The following RYR3 variants were observed in gnomAD, a reference collection of about 807,000 sequenced individuals.
RYR3 encodes the protein brain ryanodine receptor-calcium release channel.
In RYR3, 207 loss-of-function variants were observed where a neutral mutation model predicts 584.3. That is an observed-to-expected ratio of 0.35 (90% CI 0.32 to 0.40). The LOEUF is 0.40. RYR3 is among the 10% of genes least tolerant of loss of function. The probability of loss-of-function intolerance (pLI) is 1.00; values close to 1 mark genes in which losing one functional copy is unlikely to be tolerated. For missense variants in RYR3, 5,616 were observed against 6,089.2 expected (o/e 0.92, Z 2.59); for synonymous variants, 2,416 against 2,248.5 (o/e 1.07, Z -2.11).
At chr15:33,653,126 A>G (rs1206152349) in intron 32 of RYR3, among the ~76,000 whole-genome samples, 1 of 152,204 alleles carries the variant, frequency 6.6e-6, no homozygotes, top group East Asian at 1.9e-4. Context: ...TTTCTAGAGG[A>G]CGAAAAGTCC....
chr15:33,360,556 A>T (rs1190011210), intron 1 of RYR3, among the ~76,000 whole-genome samples: 1 of 152,220 alleles, frequency 6.6e-6, no homozygotes, highest in African/African-American at 2.4e-5. Context: ...TGGTCTTTGG[A>T]TGTGATAAAT....
rs2061979029 is a variant in RYR3, at chr15:33,644,224, C to T, written c.3557-87C>T. 1.1e-5 allele frequency: 11 copies of T among 977,224 alleles called. No individual in the cohort carries two copies. The South Asian group carries it at 1.3e-4, about 12-fold the overall frequency. The allele number at this position is 977,224 out of a possible 1,614,324, so 60.5% of individuals were successfully genotyped here. ...ACATCTTTCCTACTGGGAGTCAAAG[C>T]CCTTAAGGAAGCAAAGATTCAGCTG... On this transcript the variant is annotated intron_variant, in intron 27 of 103. Transcript: ENST00000634891.
chr15:33,654,750 A>G (rs1366578606), intron 32 of RYR3, among the ~76,000 whole-genome samples: 5 of 152,208 alleles, frequency 3.3e-5, no homozygotes, highest in Non-Finnish European at 1.5e-5. Flanking sequence ...TACTTAGGGC[A>G]TCCAACAGTT....
chr15:33,326,614 A>G (rs1166828275), intron 1 of RYR3, among the ~76,000 whole-genome samples: 1 of 152,160 alleles, frequency 6.6e-6, no homozygotes, highest in Non-Finnish European at 1.5e-5. Flanking sequence ...GGCACTTGAG[A>G]CAGAAGGATG....
At chr15:33,321,472 G>T (rs761026147) in intron 1 of RYR3, among the ~76,000 whole-genome samples, 1 of 152,088 alleles carries the variant, frequency 6.6e-6, no homozygotes, top group Non-Finnish European at 1.5e-5. Flanking sequence ...GGATCATATT[G>T]GTTATTTAAC....
rs757208405 is a variant in RYR3 at position 33,838,527 on chromosome 15, G to A, written c.12547G>A (p.Val4183Met). ...GATGACTGCGAAGGAGCTGGTGAAGGTGCTCTTCTCCTTTTTCTGGATGCT... is the reference window on the plus strand; with the variant it reads ...GATGACTGCGAAGGAGCTGGTGAAGATGCTCTTCTCCTTTTTCTGGATGCT... ...KKMTAKELVK[V>M]LFSFFWMLFV... Residue 4183 changes from valine (V) to methionine (M), a missense_variant, in exon 89 of 104, where the codon GTG becomes ATG. Physicochemically the swap from Val to Met is conservative, Grantham distance 21 (BLOSUM62 1). Transcript: ENST00000634891. 3.7e-6 allele frequency: 6 copies of A among 1,613,958 alleles called. No homozygotes were observed. In the South Asian group the frequency reaches 6.6e-5, roughly 18 times the overall value.
chr15:33,842,081 C>G, intron 91 of RYR3, 46 bp downstream of exon 91: 2 of 1,561,440 alleles, frequency 1.3e-6, no homozygotes, highest in South Asian at 1.2e-5. Context: ...GGGATTGGCC[C>G]AGGCAGATGG....
At chr15:33,738,996 CAG>C (rs1372745131) in intron 50 of RYR3, among the ~76,000 whole-genome samples, 12 of 152,170 alleles carry the variant, frequency 7.9e-5, no homozygotes, top group African/African-American at 1.2e-4. Context: ...GATGGTGGGA[CAG>C]GGGATTTCCA....
intron 36 of RYR3, among the ~76,000 whole-genome samples, chr15:33,664,866 A>G (rs2063406380): frequency 6.6e-6 from 1 of 152,070 alleles, no homozygotes; most frequent in African/African-American, 2.4e-5. Flanking sequence ...CCTATTTTAA[A>G]ACGTAGATAT....
At chr15:33,808,355 A>G (rs186091468) in intron 70 of RYR3, among the ~76,000 whole-genome samples, 1 of 152,368 alleles carries the variant, frequency 6.6e-6, no homozygotes, top group South Asian at 2.1e-4. Flanking sequence ...AATGTTTTAT[A>G]TAAGTAGCAG....
At chr15:33,360,279 T>C (rs968070541) in intron 1 of RYR3, among the ~76,000 whole-genome samples, 4 of 145,700 alleles carry the variant, frequency 2.7e-5, no homozygotes, top group African/African-American at 1.0e-4. Context: ...CCTGCCCATC[T>C]CCCACTCCCA....
At chr15:33,624,400 A>G (rs1164049274) in intron 20 of RYR3, among the ~76,000 whole-genome samples, 1 of 152,228 alleles carries the variant, frequency 6.6e-6, no homozygotes, top group Non-Finnish European at 1.5e-5. Flanking sequence ...CCTTTAGGCT[A>G]GAATGTTTCT....
At chr15:33,316,848 T>C (rs1968245284) in intron 1 of RYR3, among the ~76,000 whole-genome samples, 1 of 152,230 alleles carries the variant, frequency 6.6e-6, no homozygotes. Context: ...ATCTCTAACA[T>C]GGTCTTTGTT....
chr15:33,620,336 C>T (rs1417426840), intron 19 of RYR3, among the ~76,000 whole-genome samples: 1 of 152,162 alleles, frequency 6.6e-6, no homozygotes, highest in African/African-American at 2.4e-5. Context: ...AGGGAGAACG[C>T]TTCTCCCTTT....
At position 33,580,146 on chromosome 15, in the gene RYR3, T is replaced by TA. The variant is rs1427618888; in HGVS notation, c.1437+4dup. The TA allele has an allele frequency of 6.3e-7, 1 of 1,592,270 alleles. No individual in the cohort carries two copies. The highest frequency in any genetic ancestry group is 8.6e-7 in the Non-Finnish European group (1 of 1,169,118). On this transcript the variant is annotated splice_region_variant and intron_variant, in intron 13 of 103. Coordinates refer to ENST00000634891, the MANE Select transcript of RYR3 (RefSeq NM_001036.6). ...AGACAAAATCTTTTCAAGGAAGAGG[T>TA]AAGTCGAAAAATGAAAAGTTGAAAT...
At chr15:33,435,797 A>C (rs2045660592) in intron 1 of RYR3, among the ~76,000 whole-genome samples, 1 of 152,118 alleles carries the variant, frequency 6.6e-6, no homozygotes, top group Non-Finnish European at 1.5e-5. Flanking sequence ...TGTGGACCCA[A>C]AGAGTGAGCA....
intron 67 of RYR3, among the ~76,000 whole-genome samples, chr15:33,796,412 G>A (rs1411396623): frequency 3.9e-5 from 6 of 152,168 alleles, no homozygotes; most frequent in Admixed American, 3.9e-4. Flanking sequence ...GGGATTACAG[G>A]CGTGAGCCAC....
At chr15:33,317,610 C>A (rs1244522076) in intron 1 of RYR3, among the ~76,000 whole-genome samples, 3 of 152,192 alleles carry the variant, frequency 2.0e-5, no homozygotes, top group African/African-American at 7.2e-5. Flanking sequence ...AGCCCTGATC[C>A]TGCTACAGGG....
chr15:33,501,550 T>C (rs2051991248), intron 2 of RYR3, among the ~76,000 whole-genome samples: 1 of 152,194 alleles, frequency 6.6e-6, no homozygotes, highest in Non-Finnish European at 1.5e-5. Context: ...AATCTCCAAA[T>C]CATTCATTCT....
Sources: allele counts gnomAD v4.1 joint callset (sites outside exome capture counted in the v4.1 genomes callset), GRCh38; gene constraint gnomAD v4.1.1; transcripts MANE v1.5; gene names NCBI Gene and HGNC (gene_info 2026-07-23, HGNC 2026-07-21).